The following FARS2 variants were observed in gnomAD, a reference collection of about 807,000 sequenced individuals.
The protein encoded by FARS2 is phenylalanyl-tRNA synthetase 2, mitochondrial.
In FARS2, 40 loss-of-function variants were observed where a neutral mutation model predicts 46.4. The ratio of observed to expected loss-of-function variants is 0.86; its 90% CI spans 0.67 to 1.12. The LOEUF is 1.12. Among genes scored for constraint, FARS2 ranks in the 50% most tolerant of loss-of-function variants. The pLI is 0.00. For synonymous variants in FARS2, 234 were observed against 214.9 expected, an observed-to-expected ratio of 1.09 and a Z score of -0.78; for missense variants, 513 against 567.9, an observed-to-expected ratio of 0.90 and a Z score of 0.98.
At chr6:5,297,464 A>G (rs1238196104) in intron 1 of FARS2, among the ~76,000 whole-genome samples, 2 of 152,226 alleles carry the variant, frequency 1.3e-5, no homozygotes, top group African/African-American at 2.4e-5. Flanking sequence ...CCTGGCCAAC[A>G]TGGTGAAACC....
intron 4 of FARS2, among the ~76,000 whole-genome samples, chr6:5,541,075 G>A (rs1051273207): frequency 1.3e-5 from 2 of 152,156 alleles, no homozygotes; most frequent in Admixed American, 1.3e-4. Context: ...CTTAGAATAT[G>A]TAAGAGTTTG....
intron 5 of FARS2, among the ~76,000 whole-genome samples, chr6:5,554,984 G>T (rs1027604846): frequency 6.6e-6 from 1 of 152,072 alleles, no homozygotes; most frequent in Non-Finnish European, 1.5e-5. Context: ...TATGTAATAT[G>T]GTTTGGCTCT....
intron 5 of FARS2, among the ~76,000 whole-genome samples, chr6:5,561,233 G>A (rs1371668872): frequency 6.6e-6 from 1 of 152,150 alleles, no homozygotes; most frequent in African/African-American, 2.4e-5. Flanking sequence ...TTAGTCAACA[G>A]TTAAGCATAA....
intron 6 of FARS2, among the ~76,000 whole-genome samples, chr6:5,705,147 G>T (rs904183411): frequency 1.3e-5 from 2 of 152,150 alleles, no homozygotes; most frequent in African/African-American, 4.8e-5. Context: ...CAAAATTGTG[G>T]CAGTACCATG....
At chr6:5,559,572 T>C (rs765745191) in intron 5 of FARS2, among the ~76,000 whole-genome samples, 1 of 152,242 alleles carries the variant, frequency 6.6e-6, no homozygotes, top group Non-Finnish European at 1.5e-5. Flanking sequence ...AAAAACATTC[T>C]GTAGGATTGC....
chr6:5,469,260 G>A (rs1338535383), intron 4 of FARS2, among the ~76,000 whole-genome samples: 1 of 152,100 alleles, frequency 6.6e-6, no homozygotes, highest in African/African-American at 2.4e-5. Flanking sequence ...TTGGTCCACC[G>A]AGGTTCCTGT....
In FARS2 at chr6:5,727,187, C is replaced by T. The variant is rs1038112668; in HGVS notation, c.1218-44104C>T. Among the ~76,000 whole-genome samples, 1 of 152,066 alleles carries T rather than the reference C, an allele frequency of 6.6e-6. No homozygotes were observed. The highest frequency in any genetic ancestry group is 2.4e-5 in the African/African-American group (1 of 41,426). On this transcript the variant is annotated intron_variant, in intron 6 of 6. Coordinates refer to ENST00000274680, the MANE Select transcript of FARS2 (RefSeq NM_006567.5). The surrounding 1 kb of genome is among the most constrained non-coding windows in gnomAD (Gnocchi z 4.1). ...CAGTCAACAGTAACGGCGGCTGCTG[C>T]TGTAGGGGTGGGCATGGGAGGGGCT... is the stretch of plus-strand genomic sequence containing the variant.
intron 6 of FARS2, among the ~76,000 whole-genome samples, chr6:5,750,802 A>G (rs1761903141): frequency 6.6e-6 from 1 of 152,146 alleles, no homozygotes; most frequent in African/African-American, 2.4e-5. Context: ...AAAGGCTAGA[A>G]TATTTTAAAA....
At position 5,670,202 on chromosome 6, in the gene FARS2, C is replaced by T. The variant is rs1008921954; in HGVS notation, c.1217+56882C>T. 5.3e-5 allele frequency among the ~76,000 whole-genome samples: 8 copies of T among 152,120 alleles called. No homozygotes were observed. The South Asian group carries it at 1.2e-3, about 24-fold the overall frequency. On this transcript the variant is annotated intron_variant, in intron 6 of 6. Transcript: ENST00000274680. The stretch of plus-strand genomic sequence containing the variant: ...CAAGTATACAGAGGACATTCAGTGG[C>T]CAAAGTTGGCTAGAGTTGCTTTGGT...
At chr6:5,436,467 A>G (rs1243434785) in intron 4 of FARS2, among the ~76,000 whole-genome samples, 1 of 152,260 alleles carries the variant, frequency 6.6e-6, no homozygotes, top group Non-Finnish European at 1.5e-5. Context: ...TGTGCAAGGC[A>G]CTGTGCTGGA....
intron 4 of FARS2, among the ~76,000 whole-genome samples, chr6:5,432,327 AAT>A (rs71530360): frequency 0.013 from 765 of 61,006 alleles, 15 homozygotes; most frequent in African/African-American, 0.048. Context: ...AAAAAAAAAA[AAT>A]ATATATATAT....
At chr6:5,573,756 C>G (rs58870782) in intron 5 of FARS2, among the ~76,000 whole-genome samples, 2,883 of 152,288 alleles carry the variant, frequency 0.019, 87 homozygotes, top group African/African-American at 0.066. Context: ...TGGGAGTTCT[C>G]TCTCTGCTTC....
chr6:5,545,187 T>A lies in FARS2; in HGVS notation c.912T>A (p.Ala304=). The change falls in exon 5 of 7, where the codon GCT becomes GCA. Residue 304 remains alanine, a synonymous_variant. Transcript: ENST00000274680. ...MEQQLVNSAG[A]QDRIGWAFGL... is the part of the protein sequence containing the mutation. ...TTTGTTTCCTAATCACAGCTGGTGC[T>A]CAAGACCGAATCGGCTGGGCTTTTG... 1 of 1,613,808 alleles carries A rather than the reference T, an allele frequency of 6.2e-7. No individual in the cohort carries two copies. Among genetic ancestry groups the A allele is most frequent in the South Asian group, 1.1e-5 (1 of 91,018 alleles).
At chr6:5,532,102 C>T (rs1769880519) in intron 4 of FARS2, among the ~76,000 whole-genome samples, 1 of 152,160 alleles carries the variant, frequency 6.6e-6, no homozygotes, top group Admixed American at 6.5e-5. Context: ...TATGTGAGCA[C>T]CTACCTACAC....
Position 5,431,131 on chromosome 6 carries a change from T to C in FARS2, c.863T>C (p.Val288Ala), listed in dbSNP as rs994991110. ...EINFHGEWLE[V>A]LGCGVMEQQL... The stretch of plus-strand genomic sequence containing the variant: ...AACTTTCATGGAGAATGGCTGGAAG[T>C]TCTTGGCTGCGGGGTGATGGAACAA... The change falls in exon 4 of 7, where the codon GTT (valine) becomes GCT (alanine). Residue 288 changes from valine to alanine, a missense_variant. Transcript: ENST00000274680. 3 of 1,613,900 alleles carry C rather than the reference T, an allele frequency of 1.9e-6. No homozygotes were observed. The highest frequency in any genetic ancestry group is 2.7e-5 in the African/African-American group (2 of 74,890).
intron 1 of FARS2, among the ~76,000 whole-genome samples, chr6:5,362,915 T>TTTTC (rs1331194004): frequency 6.3e-5 from 9 of 142,432 alleles, no homozygotes; most frequent in African/African-American, 2.3e-4. Flanking sequence ...CTTTGCCCAT[T>TTTTC]TTTCTTTCTT....
intron 1 of FARS2, among the ~76,000 whole-genome samples, chr6:5,262,074 A>G (rs141973645): frequency 1.1e-4 from 17 of 152,294 alleles, no homozygotes; most frequent in African/African-American, 2.9e-4. Flanking sequence ...TATGTAATCA[A>G]CCTTAGGAAG....
rs975123874 is a variant in FARS2, at chr6:5,630,926, A to G, written c.1217+17606A>G. Among the ~76,000 whole-genome samples the G allele has an allele frequency of 6.6e-6, 1 of 152,182 alleles. No individual in the cohort carries two copies. Among genetic ancestry groups the G allele is most frequent in the African/African-American group, 2.4e-5 (1 of 41,436 alleles). On this transcript the variant is annotated intron_variant, in intron 6 of 6. Transcript: ENST00000274680. This position sits in a 1 kb window ranked among gnomAD's most constrained non-coding sequence, Gnocchi z 4.2. The stretch of plus-strand genomic sequence containing the variant: ...TCTTAATATGGCACATGGGGGAGAA[A>G]ACTTCTTAAAGTTGCATTTACTTCC...
intron 4 of FARS2, among the ~76,000 whole-genome samples, chr6:5,446,249 A>G (rs1764184294): frequency 6.6e-6 from 1 of 152,042 alleles, no homozygotes; most frequent in African/African-American, 2.4e-5. Flanking sequence ...GCATGCCTTC[A>G]ATACAAAGGG....
Sources: gnomAD v4.1 joint callset for allele counts (sites outside exome capture counted in the v4.1 genomes callset) on GRCh38, gnomAD v4.1.1 for gene constraint, Gnocchi (gnomAD v3.1) non-coding constraint, MANE v1.5 for transcripts, NCBI Gene and HGNC (gene_info 2026-07-23, HGNC 2026-07-21) for gene names.